Variants in MACF1 observed in about 807,000 individuals in gnomAD.
MACF1 encodes the protein microtubule-actin cross-linking factor 1.
A neutral mutation model predicts 854.8 loss-of-function variants in MACF1; 193 were observed. That is an observed-to-expected ratio of 0.23 (90% confidence interval 0.20 to 0.25). The LOEUF is 0.25. Among genes scored for constraint, MACF1 ranks in the 10% least tolerant of loss-of-function variants. MACF1 has a pLI of 1.00. For missense variants in MACF1, 7,722 were observed against 8,929.1 expected (o/e 0.86, Z 5.45); for synonymous variants, 3,185 against 3,226.7 (o/e 0.99, Z 0.44).
At chr1:39,483,116 CCA>C (rs1645046381) in intron 99 of MACF1, among the ~76,000 whole-genome samples, 2 of 135,968 alleles carry the variant, frequency 1.5e-5, no homozygotes, top group African/African-American at 2.9e-5. Context: ...AAAAAAACAC[CCA>C]CACATTTAAA....
intron 83 of MACF1, 100 bp downstream of exon 83, chr1:39,448,252 T>C: frequency 6.7e-6 from 9 of 1,353,330 alleles, no homozygotes; most frequent in Non-Finnish European, 9.1e-6. Context: ...GAAAACCAAT[T>C]GGTTAATGTT....
chr1:39,366,607 T>C (rs1648733799), intron 49 of MACF1, among the ~76,000 whole-genome samples: 1 of 152,226 alleles, frequency 6.6e-6, no homozygotes, highest in Non-Finnish European at 1.5e-5. Context: ...TTGATTTTTG[T>C]GTGTTAATTT....
In MACF1 at chr1:39,372,501, G is replaced by T; in HGVS notation, c.13118G>T (p.Ser4373Ile). The T allele has an allele frequency of 6.2e-7, 1 of 1,613,134 alleles. No homozygotes were observed. Among genetic ancestry groups the T allele is most frequent in the African/African-American group, 1.3e-5 (1 of 75,022 alleles). The change falls in exon 52 of 101, where the codon AGT becomes ATT. Residue 4373 changes from serine to isoleucine, a missense_variant. Ser to Ile is a moderately radical substitution (Grantham distance 142). This residue lies in a region of MACF1 where 2,807 missense variants were observed against 3,235.8 expected (regional missense o/e 0.87). Coordinates refer to ENST00000564288, the MANE Select transcript of MACF1 (RefSeq NM_001394062.1). ...CAGAGTCTACTAGATGACTGGGCAA[G>T]TAAGGGAACTCTGGTGGAAGAAATC... ...HLKSLLDDWA[S>I]KGTLVEEINC... is the part of the protein sequence containing the mutation.
chr1:39,258,208 G>T (rs1198253045), intron 6 of MACF1, among the ~76,000 whole-genome samples, 180 bp downstream of exon 6: 1 of 152,190 alleles, frequency 6.6e-6, no homozygotes, highest in African/African-American at 2.4e-5. Flanking sequence ...TATCGTAAAC[G>T]CAAAACTTCC....
chr1:39,204,131 G>A (rs1006835243), upstream of MACF1: 2 of 152,098 alleles, frequency 1.3e-5, no homozygotes, highest in Non-Finnish European at 2.9e-5. Flanking sequence ...AAAATTAGCT[G>A]GGTGCGGTGG....
intron 56 of MACF1, among the ~76,000 whole-genome samples, chr1:39,383,604 A>G (rs1373919164): frequency 6.6e-6 from 1 of 152,174 alleles, no homozygotes; most frequent in African/African-American, 2.4e-5. Context: ...TTGGCCGGGC[A>G]CGGTGGCTCA....
At chr1:39,247,104 G>A (rs1230418779) in intron 2 of MACF1, among the ~76,000 whole-genome samples, 3 of 120,704 alleles carry the variant, frequency 2.5e-5, no homozygotes, top group African/African-American at 6.4e-5. Flanking sequence ...ACGGAGTTTC[G>A]CTCTGTTGCC....
Position 39,310,352 on chromosome 1 carries a change from T to C in MACF1, c.3024T>C (p.Ala1008=). 1 of 1,614,164 alleles carries C rather than the reference T, an allele frequency of 6.2e-7. No homozygotes were observed. The highest frequency in any genetic ancestry group is 8.5e-7 in the Non-Finnish European group (1 of 1,180,022). Residue 1008 remains alanine (A), a synonymous_variant, in exon 25 of 101, where the codon GCT becomes GCC. Coordinates refer to ENST00000564288, the MANE Select transcript of MACF1 (RefSeq NM_001394062.1). ...GTGACTCTGTGCTGTTCTCAGTGGC[T>C]GATCGCTTGCGCTTGGAAGAGGAGG... ...DSRDSVLFSV[A]DRLRLEEEVE... is the part of the protein sequence containing the mutation.
chr1:39,408,768 C>A (rs1401663395), intron 58 of MACF1, among the ~76,000 whole-genome samples: 1 of 152,086 alleles, frequency 6.6e-6, no homozygotes, highest in East Asian at 1.9e-4. Flanking sequence ...CGGGGCGTTC[C>A]CCTCTGGCCC....
At chr1:39,156,485 G>A (rs937972828) in intron 2 of MACF1, among the ~76,000 whole-genome samples, 1 of 152,196 alleles carries the variant, frequency 6.6e-6, no homozygotes, top group African/African-American at 2.4e-5. Flanking sequence ...GAGGCATAGT[G>A]ATGTGTGCCT....
chr1:39,420,864 A>ATTTTTTT (rs922511626), intron 58 of MACF1, among the ~76,000 whole-genome samples: 1 of 133,274 alleles, frequency 7.5e-6, no homozygotes, highest in East Asian at 2.1e-4. Context: ...GAGAAACCCA[A>ATTTTTTT]TTTTTTTTTT....
At chr1:39,376,463 C>A (rs547442814) in intron 52 of MACF1, among the ~76,000 whole-genome samples, 2 of 152,056 alleles carry the variant, frequency 1.3e-5, no homozygotes, top group African/African-American at 4.8e-5. Flanking sequence ...CCCAGTTACC[C>A]CATGAGAGTT....
chr1:39,134,777 G>A (rs1402865879), intron 2 of MACF1, among the ~76,000 whole-genome samples: 2 of 151,978 alleles, frequency 1.3e-5, no homozygotes, highest in Non-Finnish European at 2.9e-5. Context: ...ATTTTTTTAT[G>A]ATAAAATACA....
intron 2 of MACF1, among the ~76,000 whole-genome samples, chr1:39,126,503 T>G (rs1317507921): frequency 6.6e-6 from 1 of 152,164 alleles, no homozygotes; most frequent in Admixed American, 6.5e-5. Flanking sequence ...ACAAATGGTT[T>G]AGGGCCGAGC....
chr1:39,444,918 T>G, intron 80 of MACF1, 83 bp downstream of exon 80: 1 of 1,298,202 alleles, frequency 7.7e-7, no homozygotes, highest in Non-Finnish European at 1.1e-6. Context: ...TATGAAGATT[T>G]TTTGAAGACC....
chr1:39,386,517 C>A (rs913661698), intron 57 of MACF1, among the ~76,000 whole-genome samples: 1 of 151,744 alleles, frequency 6.6e-6, no homozygotes, highest in African/African-American at 2.4e-5. Context: ...CTGCAACCTC[C>A]GCCTCCTCGG....
intron 15 of MACF1, among the ~76,000 whole-genome samples, chr1:39,290,985 T>G (rs1266909255): frequency 6.6e-6 from 1 of 151,190 alleles, no homozygotes; most frequent in Non-Finnish European, 1.5e-5. Flanking sequence ...TCAACTTTTT[T>G]TTTTGAGACA....
At chr1:39,473,652 C>T (rs1644820176) in intron 97 of MACF1, among the ~76,000 whole-genome samples, 1 of 152,172 alleles carries the variant, frequency 6.6e-6, no homozygotes, top group Non-Finnish European at 1.5e-5. Context: ...TCAATGGAAG[C>T]ACTTAGTGAG....
intron 2 of MACF1, among the ~76,000 whole-genome samples, chr1:39,110,202 T>C (rs962634531): frequency 6.6e-6 from 1 of 151,562 alleles, no homozygotes; most frequent in Non-Finnish European, 1.5e-5. Context: ...TAGATTCAGC[T>C]TATTTATCCT....
Sources: allele counts gnomAD v4.1 joint callset (sites outside exome capture counted in the v4.1 genomes callset), GRCh38; gene constraint gnomAD v4.1.1; regional missense constraint gnomAD v4.1.1; transcripts MANE v1.5; gene names NCBI Gene and HGNC (gene_info 2026-07-23, HGNC 2026-07-21).